The following UBTD2 variants were observed in gnomAD, a reference collection of about 807,000 sequenced individuals.
The protein encoded by UBTD2 is ubiquitin domain containing 2, also known as ubiquitin domain-containing protein 2.
In UBTD2, 9 loss-of-function variants were observed where a neutral mutation model predicts 19.8. The ratio of observed to expected loss-of-function variants is 0.46; its 90% CI spans 0.27 to 0.79. The LOEUF (loss-of-function observed/expected upper bound fraction) is 0.79, where lower values mean the gene tolerates loss of function less well. Ranked by LOEUF, UBTD2 falls within the 30% of genes least tolerant of loss-of-function variation. The pLI, the probability that UBTD2 is intolerant of heterozygous loss-of-function variation, is 0.14. For missense variants in UBTD2, 250 were observed against 300.4 expected, an observed-to-expected ratio of 0.83 and a Z score of 1.24; for synonymous variants, 98 against 103.9, an observed-to-expected ratio of 0.94 and a Z score of 0.35.
chr5:172,269,887 C>T (rs971061425), intron 1 of UBTD2, among the ~76,000 whole-genome samples: 20 of 151,338 alleles, frequency 1.3e-4, no homozygotes, highest in African/African-American at 4.6e-4. Flanking sequence ...ACCGGCCTGG[C>T]CAACATGGTG....
rs1160191389 is a variant in UBTD2, at chr5:172,283,248, T to C, written c.70+348A>G. ...TCCCCCCGCCATCAATTCGCTTTTC[T>C]GCAACCCCGGCGCCGCCATCCTGAT... On this transcript the variant is annotated intron_variant, in intron 1 of 2. Transcript: ENST00000393792. This position sits in a 1 kb window ranked among gnomAD's most constrained non-coding sequence, Gnocchi z 4.3. Among the ~76,000 whole-genome samples the C allele has an allele frequency of 6.6e-6, 1 of 152,182 alleles. No individual in the cohort carries two copies. Among genetic ancestry groups the C allele is most frequent in the African/African-American group, 2.4e-5 (1 of 41,452 alleles).
rs58327908 is a variant in UBTD2 at position 172,243,554 on chromosome 5, C to CTTTTT, written c.71-9201_71-9197dup. On this transcript the variant is annotated intron_variant, in intron 1 of 2. Coordinates refer to ENST00000393792, the MANE Select transcript of UBTD2 (RefSeq NM_152277.3). Reference sequence around the variant, plus strand: ...TCCAGCCTCCAGAATTGTGAGAAACCTTTTTTTTTTTTTTTTTTTTTTTAA... The same window carrying CTTTTT: ...TCCAGCCTCCAGAATTGTGAGAAACCTTTTTTTTTTTTTTTTTTTTTTTTTTTTAA... Among the ~76,000 whole-genome samples the CTTTTT allele has an allele frequency of 7.2e-3, 729 of 101,026 alleles. 30 individuals are homozygous for CTTTTT. Among genetic ancestry groups the CTTTTT allele is most frequent in the East Asian group, 0.062 (183 of 2,946 alleles). The allele number at this position is 101,026 out of a possible 152,430, so 66.3% of individuals were successfully genotyped here. A position where few individuals can be genotyped will look rare whatever the true frequency, so the allele number is the denominator to read the frequency against.
chr5:172,240,005 C>T (rs1203513760), intron 1 of UBTD2, among the ~76,000 whole-genome samples: 1 of 152,206 alleles, frequency 6.6e-6, no homozygotes, highest in African/African-American at 2.4e-5. Flanking sequence ...TTTCACATAG[C>T]AAACCAATAA....
intron 2 of UBTD2, among the ~76,000 whole-genome samples, chr5:172,229,469 C>G (rs1374470471): frequency 1.5e-5 from 2 of 131,110 alleles, no homozygotes; most frequent in African/African-American, 3.0e-5. Context: ...CCACTGCACT[C>G]CAGCCTGGGC....
intron 1 of UBTD2, among the ~76,000 whole-genome samples, chr5:172,279,044 G>A (rs1755662473): frequency 6.6e-6 from 1 of 152,140 alleles, no homozygotes; most frequent in African/African-American, 2.4e-5. Context: ...TCCCAATGTG[G>A]TGCGAATGCA....
At chr5:172,221,649 A>G (rs1005771169) in intron 2 of UBTD2, among the ~76,000 whole-genome samples, 2 of 152,218 alleles carry the variant, frequency 1.3e-5, no homozygotes, top group Non-Finnish European at 2.9e-5. Flanking sequence ...GGAAAAGGCA[A>G]AACTATGAAG....
intron 1 of UBTD2, among the ~76,000 whole-genome samples, chr5:172,265,492 G>A (rs56022934): frequency 0.3 from 45,570 of 151,744 alleles, 6,956 homozygotes; most frequent in South Asian, 0.42. Flanking sequence ...CCACCACCCC[G>A]GCTAATTTTT....
At chr5:172,220,534 T>C (rs1055953148) in intron 2 of UBTD2, among the ~76,000 whole-genome samples, 11 of 151,972 alleles carry the variant, frequency 7.2e-5, no homozygotes, top group Non-Finnish European at 4.4e-5. Flanking sequence ...ATTCGGGAAG[T>C]TGAGGCAGGA....
In UBTD2 at chr5:172,248,729, T is replaced by G. The variant is rs1261576778; in HGVS notation, c.71-14371A>C. On this transcript the variant is annotated intron_variant, in intron 1 of 2. Transcript: ENST00000393792. ...GTGAGCTGAGAATGCACCACTGTATTCCAGCCTAGGTGACAGAGCAAGATC... is the reference window on the plus strand; with the variant it reads ...GTGAGCTGAGAATGCACCACTGTATGCCAGCCTAGGTGACAGAGCAAGATC... Among the ~76,000 whole-genome samples the G allele has an allele frequency of 2.0e-5, 3 of 151,086 alleles. No individual in the cohort carries two copies. The South Asian group carries it at 6.3e-4, about 32-fold the overall frequency.
At position 172,283,065 on chromosome 5, in the gene UBTD2, G is replaced by C. The variant is rs959786190; in HGVS notation, c.70+531C>G. 6.6e-6 allele frequency among the ~76,000 whole-genome samples: 1 copy of C among 152,026 alleles called. No homozygotes were observed. Among genetic ancestry groups the C allele is most frequent in the Admixed American group, 6.6e-5 (1 of 15,248 alleles). On this transcript the variant is annotated intron_variant, in intron 1 of 2. Transcript: ENST00000393792. The surrounding 1 kb of genome is among the most constrained non-coding windows in gnomAD (Gnocchi z 4.3). ...GCGGCCACTGGAGACTCCTCCAGCC[G>C]AGCTCCAGAAACTCGCAGGTTTAAA...
intron 1 of UBTD2, among the ~76,000 whole-genome samples, chr5:172,260,168 C>A (rs1755238397): frequency 4.0e-5 from 6 of 150,706 alleles, no homozygotes. Flanking sequence ...CCCTGAGATT[C>A]TGCTGCAAAA....
chr5:172,253,717 G>A (rs898273143), intron 1 of UBTD2, among the ~76,000 whole-genome samples: 2 of 152,026 alleles, frequency 1.3e-5, no homozygotes, highest in African/African-American at 4.8e-5. Context: ...CTCCCAAACT[G>A]CGGGGATTAC....
rs1329673162 is a variant in UBTD2, at chr5:172,211,378, CAAAACAAAACAAAAA to C, written c.*437_*451del. 2 of 136,088 alleles carry C rather than the reference CAAAACAAAACAAAAA, an allele frequency of 1.5e-5. No individual in the cohort carries two copies. Among genetic ancestry groups the C allele is most frequent in the African/African-American group, 5.1e-5 (2 of 39,464 alleles). The allele number at this position is 136,088 out of a possible 1,614,324, so 8.4% of individuals were successfully genotyped here. A position where few individuals can be genotyped will look rare whatever the true frequency, so the allele number is the denominator to read the frequency against. On this transcript the variant is annotated 3_prime_UTR_variant, in exon 3 of 3. Transcript: ENST00000393792. Reference sequence around the variant, plus strand: ...CAAAACAAAACAAAACAAAACAAAACAAAACAAAACAAAAAGGTTAAGTTTTATATCCATTATTTA... The same window carrying C: ...CAAAACAAAACAAAACAAAACAAAACGGTTAAGTTTTATATCCATTATTTA...
At chr5:172,275,236 G>A (rs1342095611) in intron 1 of UBTD2, among the ~76,000 whole-genome samples, 1 of 152,124 alleles carries the variant, frequency 6.6e-6, no homozygotes, top group Non-Finnish European at 1.5e-5. Flanking sequence ...CAAATCTTGT[G>A]AGAACTCACT....
Position 172,280,474 on chromosome 5 carries a change from T to A in UBTD2, c.70+3122A>T, listed in dbSNP as rs576270288. On this transcript the variant is annotated intron_variant, in intron 1 of 2. Coordinates refer to ENST00000393792, the MANE Select transcript of UBTD2 (RefSeq NM_152277.3). ...GCAGTGAGCAGAGATCGTGCCACTG[T>A]ACCGCAGCCTGGGCGACAGAGCAAG... is the stretch of plus-strand genomic sequence containing the variant. Among the ~76,000 whole-genome samples the A allele has an allele frequency of 2.6e-3, 358 of 135,940 alleles. 2 individuals are homozygous for A. Among genetic ancestry groups the A allele is most frequent in the African/African-American group, 9.3e-3 (332 of 35,772 alleles). 89.2% of individuals were successfully genotyped at this position (135,940 alleles called of 152,430 possible).
chr5:172,274,769 G>C (rs528377234), intron 1 of UBTD2, among the ~76,000 whole-genome samples: 1 of 151,822 alleles, frequency 6.6e-6, no homozygotes, highest in Non-Finnish European at 1.5e-5. Context: ...GGCCAGGCGC[G>C]GTGGCTCATG....
At chr5:172,213,479 G>C (rs1161059083) in intron 2 of UBTD2, among the ~76,000 whole-genome samples, 1 of 152,152 alleles carries the variant, frequency 6.6e-6, no homozygotes, top group Non-Finnish European at 1.5e-5. Flanking sequence ...GTACAGATAA[G>C]CTATGGATTA....
chr5:172,234,196 G>T lies in UBTD2; in HGVS notation c.233C>A (p.Ala78Glu), dbSNP rs1306462496. 2 of 1,614,142 alleles carry T rather than the reference G, an allele frequency of 1.2e-6. No homozygotes were observed. The highest frequency in any genetic ancestry group is 1.7e-6 in the Non-Finnish European group (2 of 1,180,032). Residue 78 changes from alanine to glutamate, a missense_variant, in exon 2 of 3, where the codon GCA (alanine) becomes GAA (glutamate). Ala to Glu is a moderately radical substitution (Grantham distance 107). Transcript: ENST00000393792. ...ATGATCATTGCTCTCAAAAGCATGT[G>T]CAGCAGCCTTCAAGGCATCCCAAAT... ...KEIWDALKAA[A>E]HAFESNDHEL...
chr5:172,254,621 G>A lies in UBTD2; in HGVS notation c.71-20263C>T, dbSNP rs1046072381. ...TAGCGTACACTTTGTTGCATCCATC[G>A]TAATCACATCTGTGTATCCTCCACT... On this transcript the variant is annotated intron_variant, in intron 1 of 2. Coordinates refer to ENST00000393792, the MANE Select transcript of UBTD2 (RefSeq NM_152277.3). 35 of 646,218 alleles carry A rather than the reference G, an allele frequency of 5.4e-5. 3 individuals carry two copies. Among genetic ancestry groups the A allele is most frequent in the African/African-American group, 3.5e-4 (18 of 51,848 alleles). 40.0% of individuals were successfully genotyped at this position (646,218 alleles called of 1,614,324 possible).
Sources: allele counts gnomAD v4.1 joint callset (sites outside exome capture counted in the v4.1 genomes callset), GRCh38; gene constraint gnomAD v4.1.1; non-coding constraint Gnocchi (gnomAD v3.1); transcripts MANE v1.5; gene names NCBI Gene and HGNC (gene_info 2026-07-23, HGNC 2026-07-21).